Variants in COLGALT2 observed in about 807,000 individuals in gnomAD.
COLGALT2 encodes the protein collagen beta(1-O)galactosyltransferase 2, also known as procollagen galactosyltransferase 2.
Under a neutral mutation model 73.4 loss-of-function variants are expected in COLGALT2, and 49 were observed. The observed-to-expected ratio is 0.67, with a 90% CI of 0.53 to 0.85. The LOEUF is 0.85. COLGALT2 is among the 40% of genes least tolerant of loss of function. The probability of loss-of-function intolerance (pLI) is 0.00; values close to 1 mark genes in which losing one functional copy is unlikely to be tolerated. For synonymous variants in COLGALT2, 295 were observed against 307.6 expected, an observed-to-expected ratio of 0.96 and a Z score of 0.43; for missense variants, 722 against 790.2, an observed-to-expected ratio of 0.91 and a Z score of 1.03.
chr1:183,989,273 C>A (rs983767150), intron 1 of COLGALT2, among the ~76,000 whole-genome samples: 4 of 152,182 alleles, frequency 2.6e-5, no homozygotes, highest in African/African-American at 9.6e-5. Flanking sequence ...CTGGGTGGAG[C>A]AGCTGAAACA....
chr1:183,978,534 A>G lies in COLGALT2; in HGVS notation c.264-14T>C. ...TCAGTGGCTGCCCTGCATGAGAGAAAGCACAATATAGTTTAACTATGTCAT... is the reference window on the plus strand; with the variant it reads ...TCAGTGGCTGCCCTGCATGAGAGAAGGCACAATATAGTTTAACTATGTCAT... On this transcript the variant is annotated splice_polypyrimidine_tract_variant and intron_variant, in intron 1 of 11. Transcript: ENST00000361927. The G allele has an allele frequency of 6.9e-7, 1 of 1,441,440 alleles. No homozygotes were observed. Among genetic ancestry groups the G allele is most frequent in the Non-Finnish European group, 9.7e-7 (1 of 1,026,302 alleles). The allele number at this position is 1,441,440 out of a possible 1,614,324, so 89.3% of individuals were successfully genotyped here.
At position 183,938,310 on chromosome 1, in the gene COLGALT2, A is replaced by G. The variant is rs185071329; in HGVS notation, c.*451T>C. The G allele has an allele frequency of 1.0e-6, 1 of 990,834 alleles. No individual in the cohort carries two copies. Among genetic ancestry groups the G allele is most frequent in the Admixed American group, 5.7e-5 (1 of 17,468 alleles). 61.4% of individuals were successfully genotyped at this position (990,834 alleles called of 1,614,324 possible). A position where few individuals can be genotyped will look rare whatever the true frequency, so the allele number is the denominator to read the frequency against. Reference sequence around the variant, plus strand: ...TTCCTGTCCCCCAAAAGTTGCACACACAAGTTTTCAATGTCATATAAAACG... The same window carrying G: ...TTCCTGTCCCCCAAAAGTTGCACACGCAAGTTTTCAATGTCATATAAAACG... On this transcript the variant is annotated 3_prime_UTR_variant, in exon 12 of 12. Transcript: ENST00000361927.
chr1:183,972,812 G>A (rs1671082487), intron 4 of COLGALT2, among the ~76,000 whole-genome samples: 1 of 151,856 alleles, frequency 6.6e-6, no homozygotes, highest in Non-Finnish European at 1.5e-5. Context: ...CCATTCTCCT[G>A]CCTCAGCCTT....
chr1:184,025,232 C>A (rs1298677520), intron 1 of COLGALT2, among the ~76,000 whole-genome samples: 5 of 152,212 alleles, frequency 3.3e-5, no homozygotes, highest in African/African-American at 1.2e-4. Context: ...CCATCTGATG[C>A]CTAAGAAATG....
chr1:184,015,719 C>T (rs1269977159), intron 1 of COLGALT2, among the ~76,000 whole-genome samples: 1 of 152,124 alleles, frequency 6.6e-6, no homozygotes, highest in Non-Finnish European at 1.5e-5. Flanking sequence ...CTAGAAGGAA[C>T]TGTGGGGCTG....
chr1:184,020,273 G>C (rs796964782), intron 1 of COLGALT2, among the ~76,000 whole-genome samples: 2 of 152,244 alleles, frequency 1.3e-5, no homozygotes, highest in Admixed American at 6.5e-5. Context: ...ATAAACAAGA[G>C]TTAACAGAGC....
chr1:183,956,543 G>A (rs1361918377), intron 6 of COLGALT2, among the ~76,000 whole-genome samples: 1 of 152,186 alleles, frequency 6.6e-6, no homozygotes, highest in Non-Finnish European at 1.5e-5. Flanking sequence ...GATATTGTCT[G>A]AGGAGCTGTC....
At chr1:183,999,974 G>C (rs1558331956) in intron 1 of COLGALT2, among the ~76,000 whole-genome samples, 1 of 151,650 alleles carries the variant, frequency 6.6e-6, no homozygotes. Flanking sequence ...GGTTTATTCT[G>C]TTTTTTTACC....
chr1:184,019,554 T>C (rs74130996), intron 1 of COLGALT2, among the ~76,000 whole-genome samples: 5,036 of 152,272 alleles, frequency 0.033, 265 homozygotes, highest in African/African-American at 0.11. Context: ...GGTGGCCTCA[T>C]TCCTATTTTA....
chr1:183,999,415 T>A (rs1671855311), intron 1 of COLGALT2, among the ~76,000 whole-genome samples: 1 of 152,146 alleles, frequency 6.6e-6, no homozygotes, highest in Non-Finnish European at 1.5e-5. Context: ...TAGGTAGTAT[T>A]TTCTTTTATT....
Position 183,936,497 on chromosome 1 carries a change from C to G in COLGALT2, c.*2264G>C. On this transcript the variant is annotated 3_prime_UTR_variant, in exon 12 of 12. Coordinates refer to ENST00000361927, the MANE Select transcript of COLGALT2 (RefSeq NM_015101.4). ...CTTTTAAGAATGAGAGTTCTTAAATCTGTCAGACCAGCTGACAGGGGAACA... is the reference window on the plus strand; with the variant it reads ...CTTTTAAGAATGAGAGTTCTTAAATGTGTCAGACCAGCTGACAGGGGAACA... 4 of 1,006,454 alleles carry G rather than the reference C, an allele frequency of 4.0e-6. No homozygotes were observed. Among genetic ancestry groups the G allele is most frequent in the Non-Finnish European group, 4.7e-6 (4 of 843,914 alleles). 62.3% of individuals were successfully genotyped at this position (1,006,454 alleles called of 1,614,324 possible).
At chr1:183,984,108 G>A (rs1219118582) in intron 1 of COLGALT2, among the ~76,000 whole-genome samples, 1 of 152,142 alleles carries the variant, frequency 6.6e-6, no homozygotes, top group African/African-American at 2.4e-5. Context: ...CTCTGACTCA[G>A]GATAAGACAC....
At chr1:183,978,622 G>A (rs565192311) in intron 1 of COLGALT2, 102 bp from the exon 2 acceptor site, 1 of 567,262 alleles carries the variant, frequency 1.8e-6, no homozygotes, top group African/African-American at 2.2e-5. Context: ...GGCTACTCCT[G>A]GAAAAAAAAT....
chr1:183,998,662 G>A (rs1001037508), intron 1 of COLGALT2, among the ~76,000 whole-genome samples: 1 of 151,984 alleles, frequency 6.6e-6, no homozygotes, highest in Non-Finnish European at 1.5e-5. Flanking sequence ...ATCGTCTGGA[G>A]AGAATCATTA....
intron 8 of COLGALT2, chr1:183,945,983 G>A (rs1168225017): frequency 1.3e-5 from 2 of 157,996 alleles, no homozygotes; most frequent in African/African-American, 4.8e-5. Flanking sequence ...CCCTACAAAA[G>A]CCTTGAAAAC....
At chr1:183,944,344 A>C (rs1670193233) in intron 9 of COLGALT2, 21 bp from the exon 10 acceptor site, 1 of 1,598,062 alleles carries the variant, frequency 6.3e-7, no homozygotes, top group East Asian at 2.2e-5. Flanking sequence ...CATCAGTAGG[A>C]AGATACCCTA....
At chr1:183,992,098 C>G (rs1671645614) in intron 1 of COLGALT2, among the ~76,000 whole-genome samples, 1 of 152,162 alleles carries the variant, frequency 6.6e-6, no homozygotes, top group Non-Finnish European at 1.5e-5. Flanking sequence ...AGGCATTGAC[C>G]TAGAACTCTA....
At chr1:184,002,505 C>A (rs146767023) in intron 1 of COLGALT2, among the ~76,000 whole-genome samples, 71 of 152,294 alleles carry the variant, frequency 4.7e-4, no homozygotes, top group African/African-American at 1.6e-3. Flanking sequence ...TTTGTAGCGA[C>A]AGGAAGAGAA....
At chr1:184,028,627 C>G (rs948451582) in intron 1 of COLGALT2, among the ~76,000 whole-genome samples, 1 of 152,152 alleles carries the variant, frequency 6.6e-6, no homozygotes, top group Non-Finnish European at 1.5e-5. Flanking sequence ...ATGAACTATT[C>G]CAATAAAGCC....
Sources: allele counts gnomAD v4.1 joint callset (sites outside exome capture counted in the v4.1 genomes callset), GRCh38; gene constraint gnomAD v4.1.1; transcripts MANE v1.5; gene names NCBI Gene and HGNC (gene_info 2026-07-23, HGNC 2026-07-21).